Variants in KCNJ18 observed in about 807,000 individuals in gnomAD.
KCNJ18 encodes inward rectifier potassium channel 18.
A neutral mutation model predicts 17.3 loss-of-function variants in KCNJ18; 16 were observed. That is an observed-to-expected ratio of 0.92 (90% CI 0.62 to 1.40). KCNJ18 has a LOEUF of 1.40. KCNJ18 is among the 40% of genes most tolerant of loss of function. The probability of loss-of-function intolerance (pLI) is 0.00; values close to 1 mark genes in which losing one functional copy is unlikely to be tolerated. For synonymous variants in KCNJ18, 185 were observed against 262.6 expected, an observed-to-expected ratio of 0.70 and a Z score of 2.86; for missense variants, 462 against 626.8, an observed-to-expected ratio of 0.74 and a Z score of 2.81.
chr17:21,700,926 T>A, intron 2 of KCNJ18, among the ~76,000 whole-genome samples: 1 of 142,828 alleles, frequency 7.0e-6, no homozygotes, highest in African/African-American at 2.6e-5. Context: ...TTTGTCTAGC[T>A]CTGAGGTTAT....
Position 21,694,666 on chromosome 17 carries a change from A to G in KCNJ18, c.-178-1317A>G, listed in dbSNP as rs1905701336. On this transcript the variant is annotated intron_variant, in intron 1 of 2. Coordinates refer to ENST00000567955, the MANE Select transcript of KCNJ18 (RefSeq NM_001194958.2). ...TACCCACCCATCCACCCACCCATCCATTCACCCATCTGTCCATCCATCCAC... is the reference window on the plus strand; with the variant it reads ...TACCCACCCATCCACCCACCCATCCGTTCACCCATCTGTCCATCCATCCAC... Among the ~76,000 whole-genome samples, 6 of 142,908 alleles carry G rather than the reference A, an allele frequency of 4.2e-5. No individual in the cohort carries two copies. The South Asian group carries it at 1.3e-3, about 32-fold the overall frequency. The allele number at this position is 142,908 out of a possible 152,430, so 93.8% of individuals were successfully genotyped here. A position where few individuals can be genotyped will look rare whatever the true frequency, so the allele number is the denominator to read the frequency against.
intron 2 of KCNJ18, among the ~76,000 whole-genome samples, chr17:21,700,177 C>A (rs1294916827): frequency 6.6e-6 from 1 of 151,622 alleles, no homozygotes; most frequent in Non-Finnish European, 1.5e-5. Flanking sequence ...AGCTCCTCAG[C>A]GTCATGGTGA....
At chr17:21,693,036 C>G (rs1356814964) in intron 1 of KCNJ18, among the ~76,000 whole-genome samples, 4 of 152,308 alleles carry the variant, frequency 2.6e-5, no homozygotes, top group Non-Finnish European at 5.9e-5. Context: ...GTGGGCCAGC[C>G]CGGCCTGTTG....
intron 2 of KCNJ18, among the ~76,000 whole-genome samples, chr17:21,699,987 T>A (rs1905891794): frequency 6.6e-6 from 1 of 152,296 alleles, no homozygotes; most frequent in East Asian, 1.9e-4. Flanking sequence ...CCAGCCCCTG[T>A]CAGCTGGTGG....
chr17:21,702,021 T>A (rs1213927531), intron 2 of KCNJ18, among the ~76,000 whole-genome samples: 698 of 152,278 alleles, frequency 4.6e-3, no homozygotes, highest in African/African-American at 0.016. Context: ...AGCTACGTTA[T>A]TGTTATTGCT....
chr17:21,697,585 C>T (rs1356000832), intron 2 of KCNJ18, among the ~76,000 whole-genome samples: 6 of 152,268 alleles, frequency 3.9e-5, no homozygotes, highest in Non-Finnish European at 8.8e-5. Context: ...CCTCCCACTC[C>T]TGGCTCTGGC....
intron 1 of KCNJ18, among the ~76,000 whole-genome samples, chr17:21,693,413 G>C (rs1214256986): frequency 2.0e-4 from 30 of 152,426 alleles, no homozygotes; most frequent in Middle Eastern, 3.4e-3. Flanking sequence ...GGAGAGCCTG[G>C]TGCAAGCCAG....
At position 21,704,067 on chromosome 17, in the gene KCNJ18, C is replaced by A; in HGVS notation, c.1281C>A (p.Tyr427Ter). ...GCGGGGTCCTGGAGCAGCGGCCCTA[C>A]AGACGGGGGTCAGAGATCTGAGCCA... ...AGGGVLEQRP[Y>*]RRGSEI The change falls in exon 3 of 3, where the codon TAC becomes TAA. Residue 427 changes from tyrosine (Y) to a stop codon, truncating the protein, a stop_gained. Coordinates refer to ENST00000567955, the MANE Select transcript of KCNJ18 (RefSeq NM_001194958.2). LOFTEE classifies it high-confidence loss of function. 1 of 1,559,606 alleles carries A rather than the reference C, an allele frequency of 6.4e-7. No individual in the cohort carries two copies. The highest frequency in any genetic ancestry group is 8.7e-7 in the Non-Finnish European group (1 of 1,153,974).
intron 2 of KCNJ18, among the ~76,000 whole-genome samples, chr17:21,696,993 A>T (rs1905778041): frequency 6.6e-6 from 1 of 152,276 alleles, no homozygotes; most frequent in South Asian, 2.1e-4. Flanking sequence ...CTGCTGGGGC[A>T]CTGGAGCTGA....
At chr17:21,699,161 C>T (rs1279000025) in intron 2 of KCNJ18, among the ~76,000 whole-genome samples, 1 of 152,208 alleles carries the variant, frequency 6.6e-6, no homozygotes, top group Non-Finnish European at 1.5e-5. Flanking sequence ...TTGCTAAGGC[C>T]TCTTCCAGCA....
chr17:21,698,872 C>G (rs1233003168), intron 2 of KCNJ18, among the ~76,000 whole-genome samples: 2 of 152,286 alleles, frequency 1.3e-5, no homozygotes, highest in Admixed American at 1.3e-4. Context: ...GCTCTCTCCC[C>G]ACTGCCTGCT....
chr17:21,693,023 G>A (rs1353335049), intron 1 of KCNJ18, among the ~76,000 whole-genome samples: 2 of 152,428 alleles, frequency 1.3e-5, no homozygotes, highest in African/African-American at 2.4e-5. Flanking sequence ...CCTGCGGGAC[G>A]CTGTGGGCCA....
Position 21,703,258 on chromosome 17 carries a change from G to A in KCNJ18, c.472G>A (p.Ala158Thr). ...CTGTGTGACGGAGGAGTGCCTGGTGGCCGTCTTCATGGTGGTGGCCCAGTC... is the reference window on the plus strand; with the variant it reads ...CTGTGTGACGGAGGAGTGCCTGGTGACCGTCTTCATGGTGGTGGCCCAGTC... ...LRCVTEECLV[A>T]VFMVVAQSIV... Residue 158 changes from alanine to threonine, a missense_variant, in exon 3 of 3, where the codon GCC becomes ACC. By Grantham distance (58) the Ala-to-Thr change is moderately conservative. Around this residue, in one of 5 missense-constraint regions of KCNJ18, gnomAD observed 237 missense variants for 259.4 expected, o/e 0.91. Coordinates refer to ENST00000567955, the MANE Select transcript of KCNJ18 (RefSeq NM_001194958.2). 2 of 1,609,944 alleles carry A rather than the reference G, an allele frequency of 1.2e-6. No homozygotes were observed. Among genetic ancestry groups the A allele is most frequent in the Non-Finnish European group, 1.7e-6 (2 of 1,178,260 alleles).
rs1234554786 is a variant in KCNJ18 at position 21,703,272 on chromosome 17, G to C, written c.486G>C (p.Val162=). The change falls in exon 3 of 3, where the codon GTG becomes GTC. Residue 162 remains valine (V), a synonymous_variant. Coordinates refer to ENST00000567955, the MANE Select transcript of KCNJ18 (RefSeq NM_001194958.2). ...TEECLVAVFM[V]VAQSIVGCII... ...AGTGCCTGGTGGCCGTCTTCATGGT[G>C]GTGGCCCAGTCCATCGTGGGCTGCA... The C allele has an allele frequency of 6.2e-7, 1 of 1,609,280 alleles. No homozygotes were observed. Among genetic ancestry groups the C allele is most frequent in the Admixed American group, 1.7e-5 (1 of 59,930 alleles).
intron 2 of KCNJ18, among the ~76,000 whole-genome samples, chr17:21,698,181 C>T (rs1340468921): frequency 2.6e-5 from 4 of 152,168 alleles, no homozygotes; most frequent in Non-Finnish European, 5.9e-5. Context: ...AGTCAGGCCT[C>T]AGGTCTTGGT....
chr17:21,703,948 G>T lies in KCNJ18; in HGVS notation c.1162G>T (p.Glu388Ter). The change falls in exon 3 of 3, where the codon GAG becomes TAG. Residue 388 changes from glutamate to a stop codon, truncating the protein, a stop_gained. Coordinates refer to ENST00000567955, the MANE Select transcript of KCNJ18 (RefSeq NM_001194958.2). LOFTEE classifies it low-confidence loss of function (END_TRUNC). The stretch of plus-strand genomic sequence containing the variant: ...CGAGCTGGCCTTCCTGAGCCGTGAC[G>T]AGGAGGATGAGGCGGACGGAGACCA... ...ENELAFLSRD[E>*]EDEADGDQDG... 1 of 1,609,370 alleles carries T rather than the reference G, an allele frequency of 6.2e-7. No individual in the cohort carries two copies. The highest frequency in any genetic ancestry group is 1.7e-5 in the Admixed American group (1 of 60,008).
Position 21,704,142 on chromosome 17 carries a change from G to T in KCNJ18, c.*54G>T, listed in dbSNP as rs1906084759. The T allele has an allele frequency of 9.5e-6, 14 of 1,473,430 alleles. No homozygotes were observed. Among genetic ancestry groups the T allele is most frequent in the Non-Finnish European group, 1.3e-5 (14 of 1,112,294 alleles). The allele number at this position is 1,473,430 out of a possible 1,614,324, so 91.3% of individuals were successfully genotyped here. A position where few individuals can be genotyped will look rare whatever the true frequency, so the allele number is the denominator to read the frequency against. ...CCCCTGGCCGGGGAGAGGCCCCGCG[G>T]TCGCTCAGGGGCCCTGGGTTTGAGC... On this transcript the variant is annotated 3_prime_UTR_variant, in exon 3 of 3. Transcript: ENST00000567955.
chr17:21,695,716 G>A (rs1905739265), intron 1 of KCNJ18, among the ~76,000 whole-genome samples: 1 of 152,304 alleles, frequency 6.6e-6, no homozygotes, highest in African/African-American at 2.4e-5. Flanking sequence ...CTACTATAGT[G>A]TCTGGCATGC....
Position 21,703,959 on chromosome 17 carries a change from G to A in KCNJ18, c.1173G>A (p.Glu391=), listed in dbSNP as rs1906072362. 5.6e-6 allele frequency: 9 copies of A among 1,607,512 alleles called. No homozygotes were observed. The highest frequency in any genetic ancestry group is 6.8e-6 in the Non-Finnish European group (8 of 1,178,974). Reference sequence around the variant, plus strand: ...TCCTGAGCCGTGACGAGGAGGATGAGGCGGACGGAGACCAGGACGGCCGAA... The same window carrying A: ...TCCTGAGCCGTGACGAGGAGGATGAAGCGGACGGAGACCAGGACGGCCGAA... ...LAFLSRDEED[E]ADGDQDGRSR... Residue 391 remains glutamate (E), a synonymous_variant, in exon 3 of 3, where the codon GAG becomes GAA. Transcript: ENST00000567955.
Sources: allele counts gnomAD v4.1 joint callset (sites outside exome capture counted in the v4.1 genomes callset), GRCh38; gene constraint gnomAD v4.1.1; regional missense constraint gnomAD v4.1.1; transcripts MANE v1.5; gene names NCBI Gene and HGNC (gene_info 2026-07-23, HGNC 2026-07-21).